The following DHX35 variants were observed in gnomAD, a reference collection of about 807,000 sequenced individuals.
The protein encoded by DHX35 is DEAH-box helicase 35.
A neutral mutation model predicts 99.6 loss-of-function variants in DHX35; 84 were observed. The observed-to-expected ratio is 0.84, with a 90% CI of 0.71 to 1.01. DHX35 has a LOEUF of 1.01. Ranked by LOEUF, DHX35 falls within the 50% of genes least tolerant of loss-of-function variation. The pLI is 0.00. For missense variants in DHX35, 852 were observed against 888.5 expected (o/e 0.96, Z 0.52); for synonymous variants, 331 against 316.2 (o/e 1.05, Z -0.50).
At chr20:39,037,770 ACT>A (rs1392566181) in intron 21 of DHX35, among the ~76,000 whole-genome samples, 1 of 151,844 alleles carries the variant, frequency 6.6e-6, no homozygotes, top group East Asian at 1.9e-4. Flanking sequence ...GTATTTACAC[ACT>A]CTGCCTCAAA....
intron 3 of DHX35, among the ~76,000 whole-genome samples, chr20:38,980,599 A>G (rs1341930143): frequency 2.8e-5 from 4 of 144,210 alleles, no homozygotes; most frequent in African/African-American, 5.1e-5. Flanking sequence ...TATAGTTTTT[A>G]TAGCAAAAAC....
chr20:39,031,017 G>A (rs2087041479), intron 20 of DHX35, among the ~76,000 whole-genome samples: 1 of 152,102 alleles, frequency 6.6e-6, no homozygotes, highest in South Asian at 2.1e-4. Flanking sequence ...ACAAAAATTA[G>A]CCAGGCGTGA....
intron 5 of DHX35, among the ~76,000 whole-genome samples, 180 bp downstream of exon 5, chr20:38,989,097 C>CTTT (rs375064892): frequency 1.8e-4 from 22 of 125,320 alleles, no homozygotes; most frequent in Non-Finnish European, 2.4e-4. Flanking sequence ...TTCCTTTTTT[C>CTTT]TTTTTTTTTT....
intron 3 of DHX35, among the ~76,000 whole-genome samples, chr20:38,983,315 T>C (rs2086201862): frequency 6.6e-6 from 1 of 152,336 alleles, no homozygotes; most frequent in South Asian, 2.1e-4. Flanking sequence ...TGTTGTGTGG[T>C]TGATATTTAT....
chr20:39,036,282 A>G (rs182688010), intron 21 of DHX35, among the ~76,000 whole-genome samples: 2 of 152,368 alleles, frequency 1.3e-5, no homozygotes, highest in East Asian at 3.9e-4. Context: ...CCACAAAGTT[A>G]AAGAGCAAAT....
intron 3 of DHX35, among the ~76,000 whole-genome samples, chr20:38,981,343 G>A (rs574907121): frequency 1.3e-5 from 2 of 152,046 alleles, no homozygotes; most frequent in Non-Finnish European, 2.9e-5. Flanking sequence ...GTAATTTTCT[G>A]TAAGGAAGAA....
chr20:39,027,950 A>G (rs1329898375), intron 18 of DHX35, among the ~76,000 whole-genome samples: 2 of 152,262 alleles, frequency 1.3e-5, no homozygotes, highest in Non-Finnish European at 2.9e-5. Flanking sequence ...AACATTTGAA[A>G]AATTTGAAGA....
At chr20:38,992,791 C>T (rs2086361427) in intron 7 of DHX35, among the ~76,000 whole-genome samples, 1 of 152,076 alleles carries the variant, frequency 6.6e-6, no homozygotes. Flanking sequence ...TATTTAATCA[C>T]ATCTCTATCA....
chr20:38,998,953 C>A (rs939746913), intron 8 of DHX35, among the ~76,000 whole-genome samples: 8 of 152,028 alleles, frequency 5.3e-5, no homozygotes, highest in South Asian at 2.1e-4. Flanking sequence ...CCTGCCACCA[C>A]GCTCAGCCAA....
chr20:38,992,552 A>G (rs947359960), intron 7 of DHX35, 127 bp downstream of exon 7: 5 of 845,688 alleles, frequency 5.9e-6, no homozygotes, highest in African/African-American at 5.0e-5. Context: ...CCATAATCCT[A>G]CCCATTCAGA....
chr20:38,978,141 T>G, intron 3 of DHX35: 2 of 803,098 alleles, frequency 2.5e-6, no homozygotes, highest in East Asian at 4.8e-5. Flanking sequence ...CCGGTGGTAT[T>G]ATTTCAAAGC....
chr20:39,021,268 G>T (rs1258634376), intron 15 of DHX35, among the ~76,000 whole-genome samples: 1 of 152,336 alleles, frequency 6.6e-6, no homozygotes, highest in Admixed American at 6.5e-5. Context: ...TTCCTGCCAG[G>T]ATTCCAGATG....
intron 7 of DHX35, among the ~76,000 whole-genome samples, chr20:38,993,775 A>C (rs1360134668): frequency 6.6e-6 from 1 of 151,548 alleles, no homozygotes; most frequent in Non-Finnish European, 1.5e-5. Flanking sequence ...ACAAATAAGG[A>C]AAGTTTTCAT....
At chr20:39,033,711 A>G (rs1311288545) in intron 20 of DHX35, among the ~76,000 whole-genome samples, 1 of 152,212 alleles carries the variant, frequency 6.6e-6, no homozygotes, top group Non-Finnish European at 1.5e-5. Context: ...TTTTCCCTTA[A>G]ATAAAGGTAT....
chr20:39,009,953 C>T (rs1433613093), intron 12 of DHX35, among the ~76,000 whole-genome samples: 9 of 152,082 alleles, frequency 5.9e-5, no homozygotes, highest in Admixed American at 1.3e-4. Context: ...TTATTCCAAA[C>T]AGAGATGGTG....
chr20:39,028,900 G>A (rs2086999930), intron 19 of DHX35, among the ~76,000 whole-genome samples: 1 of 152,186 alleles, frequency 6.6e-6, no homozygotes, highest in African/African-American at 2.4e-5. Flanking sequence ...CCCTGGTATA[G>A]TGTGGCCACG....
At chr20:38,992,967 A>AT (rs1450259148) in intron 7 of DHX35, among the ~76,000 whole-genome samples, 1 of 152,232 alleles carries the variant, frequency 6.6e-6, no homozygotes, top group African/African-American at 2.4e-5. Flanking sequence ...AAAGAAGTGT[A>AT]TAATGACCCC....
intron 16 of DHX35, among the ~76,000 whole-genome samples, chr20:39,022,316 G>A (rs1011051609): frequency 7.2e-5 from 11 of 152,000 alleles, no homozygotes; most frequent in Non-Finnish European, 1.5e-4. Flanking sequence ...GCTCCACCAC[G>A]CCCGGCTAAT....
At chr20:39,023,317 G>A (rs1237308677) in intron 16 of DHX35, among the ~76,000 whole-genome samples, 5 of 152,166 alleles carry the variant, frequency 3.3e-5, no homozygotes, top group African/African-American at 7.2e-5. Flanking sequence ...TAACCCACAC[G>A]CTATTCACCA....
Sources: gnomAD v4.1 joint callset for allele counts (sites outside exome capture counted in the v4.1 genomes callset) on GRCh38, gnomAD v4.1.1 for gene constraint, MANE v1.5 for transcripts, NCBI Gene and HGNC (gene_info 2026-07-23, HGNC 2026-07-21) for gene names.